The following KIAA1671 variants were observed in gnomAD, a reference collection of about 807,000 sequenced individuals.
KIAA1671 encodes KIAA1671, also known as uncharacterized protein KIAA1671.
Under a neutral mutation model 131.2 loss-of-function variants are expected in KIAA1671, and 52 were observed. The observed-to-expected ratio is 0.40, with a 90% CI of 0.32 to 0.50. KIAA1671 has a LOEUF of 0.50. Ranked by LOEUF, KIAA1671 falls within the 20% of genes least tolerant of loss-of-function variation. KIAA1671 has a pLI of 0.73. For missense variants in KIAA1671, 2,360 were observed against 2,364.2 expected, an observed-to-expected ratio of 1.00 and a Z score of 0.04; for synonymous variants, 1,003 against 961.6, an observed-to-expected ratio of 1.04 and a Z score of -0.80.
At chr22:24,964,745 T>C (rs2123803170) in intron 1 of KIAA1671, among the ~76,000 whole-genome samples, 1 of 152,248 alleles carries the variant, frequency 6.6e-6, no homozygotes, top group Admixed American at 6.5e-5. Context: ...TGTATTTGAT[T>C]CTTGTGACTC....
chr22:25,093,094 C>G lies in KIAA1671; in HGVS notation c.4530+43730C>G, dbSNP rs73159917. ...GGCAAGTGACTATGTTCATTGAGCA[C>G]TTACTGTGTGCTAGGTAATCTCTAG... On this transcript the variant is annotated intron_variant, in intron 6 of 12. Transcript: ENST00000358431. 9.7e-3 allele frequency among the ~76,000 whole-genome samples: 1,474 copies of G among 152,310 alleles called. 18 individuals are homozygous for G. Among genetic ancestry groups the G allele is most frequent in the Non-Finnish European group, 0.015 (997 of 68,032 alleles).
chr22:25,010,864 A>G (rs1004492649), intron 1 of KIAA1671: 1 of 152,216 alleles, frequency 6.6e-6, no homozygotes, highest in African/African-American at 2.4e-5. Flanking sequence ...GTTATTTTCC[A>G]TGTCACTATC....
At chr22:25,179,663 G>C (rs1025911751) in intron 9 of KIAA1671, 6 of 640,732 alleles carry the variant, frequency 9.4e-6, no homozygotes, top group African/African-American at 3.7e-5. Context: ...TCAGAAACTA[G>C]GTAAAACAGT....
In KIAA1671 at chr22:25,040,583, C is replaced by T. The variant is rs1602090455; in HGVS notation, c.3453C>T (p.Asn1151=). Residue 1151 remains asparagine, a synonymous_variant, in exon 5 of 13, where the codon AAC becomes AAT. Coordinates refer to ENST00000358431, the MANE Select transcript of KIAA1671 (RefSeq NM_001145206.2). ...AAAGCAATTGGAAGGAAAGTGCGAACAAGATGTCCCCCAGCGGCGGAGCTC... is the reference window on the plus strand; with the variant it reads ...AAAGCAATTGGAAGGAAAGTGCGAATAAGATGTCCCCCAGCGGCGGAGCTC... ...RPQSNWKESA[N]KMSPSGGAPQ... 6.4e-7 allele frequency: 1 copy of T among 1,551,644 alleles called. No homozygotes were observed. Among genetic ancestry groups the T allele is most frequent in the Non-Finnish European group, 8.7e-7 (1 of 1,147,026 alleles).
chr22:25,037,636 C>A (rs1306820604), intron 4 of KIAA1671, among the ~76,000 whole-genome samples: 1 of 151,960 alleles, frequency 6.6e-6, no homozygotes, highest in Non-Finnish European at 1.5e-5. Context: ...CAAATGGAAA[C>A]CTTGTGTCCT....
intron 9 of KIAA1671, chr22:25,179,375 C>T: frequency 1.9e-6 from 3 of 1,605,698 alleles, no homozygotes; most frequent in Non-Finnish European, 2.5e-6. Flanking sequence ...GCTCCTCGCG[C>T]AGCCGCTCGC....
At chr22:25,093,801 T>C (rs1601305778) in intron 6 of KIAA1671, among the ~76,000 whole-genome samples, 1 of 141,934 alleles carries the variant, frequency 7.0e-6, no homozygotes, top group South Asian at 2.2e-4. Flanking sequence ...TCTCTCTCTC[T>C]CTCTCTCTCT....
intron 1 of KIAA1671, among the ~76,000 whole-genome samples, chr22:24,981,375 G>A (rs73395636): frequency 2.6e-5 from 4 of 152,254 alleles, no homozygotes; most frequent in African/African-American, 9.6e-5. Context: ...CACTGACCCG[G>A]GGCACACCCT....
chr22:25,098,066 G>C (rs898341598), intron 6 of KIAA1671, among the ~76,000 whole-genome samples: 3 of 152,166 alleles, frequency 2.0e-5, no homozygotes, highest in African/African-American at 7.2e-5. Flanking sequence ...GGTCCCCTTG[G>C]CCAGGATTTG....
intron 5 of KIAA1671, among the ~76,000 whole-genome samples, chr22:25,048,379 C>T (rs1489007689): frequency 2.0e-5 from 3 of 152,222 alleles, no homozygotes; most frequent in East Asian, 1.9e-4. Context: ...AATGGCTCTG[C>T]GGCTGGCCTG....
intron 6 of KIAA1671, among the ~76,000 whole-genome samples, chr22:25,081,089 A>T (rs1194635647): frequency 6.6e-6 from 1 of 152,178 alleles, no homozygotes; most frequent in Non-Finnish European, 1.5e-5. Context: ...CGTAAATGCA[A>T]GGCAGAAGCT....
At chr22:25,107,973 A>G (rs895744792) in intron 6 of KIAA1671, among the ~76,000 whole-genome samples, 1 of 152,062 alleles carries the variant, frequency 6.6e-6, no homozygotes, top group Non-Finnish European at 1.5e-5. Context: ...ACGCCATTGC[A>G]CTCCAGCCTA....
intron 6 of KIAA1671, among the ~76,000 whole-genome samples, chr22:25,072,721 C>T (rs1392183531): frequency 2.6e-5 from 4 of 152,168 alleles, no homozygotes; most frequent in South Asian, 2.1e-4. Flanking sequence ...AGCGAGGCCC[C>T]GCTGCCTTCC....
chr22:25,021,559 C>T (rs1488839775), intron 1 of KIAA1671, among the ~76,000 whole-genome samples: 1 of 150,874 alleles, frequency 6.6e-6, no homozygotes, highest in African/African-American at 2.4e-5. Flanking sequence ...TGCTGTGTCC[C>T]TAGCGCCTGG....
At chr22:25,082,317 T>A (rs772814296) in intron 6 of KIAA1671, among the ~76,000 whole-genome samples, 3 of 152,014 alleles carry the variant, frequency 2.0e-5, no homozygotes, top group African/African-American at 4.8e-5. Context: ...CTGAGCTGGG[T>A]CTTAACACCT....
chr22:24,974,458 C>T (rs1922804104), intron 1 of KIAA1671, among the ~76,000 whole-genome samples: 1 of 151,988 alleles, frequency 6.6e-6, no homozygotes, highest in Non-Finnish European at 1.5e-5. Flanking sequence ...GTCATTAGCC[C>T]ATGGTCAGTC....
intron 1 of KIAA1671, among the ~76,000 whole-genome samples, chr22:25,007,612 C>T (rs1467293188): frequency 6.6e-6 from 1 of 152,082 alleles, no homozygotes. Context: ...AGGTGACAGA[C>T]CCTCTCCATA....
chr22:25,034,186 C>T (rs1451246057), intron 4 of KIAA1671, among the ~76,000 whole-genome samples: 5 of 151,830 alleles, frequency 3.3e-5, no homozygotes, highest in African/African-American at 1.2e-4. Context: ...GCTTGGATTA[C>T]AGGCACCCAC....
intron 1 of KIAA1671, among the ~76,000 whole-genome samples, chr22:25,017,919 T>C (rs1925420293): frequency 6.6e-6 from 1 of 151,606 alleles, no homozygotes; most frequent in Non-Finnish European, 1.5e-5. Flanking sequence ...ACAGTCCTGC[T>C]TTCCCCCACA....
Sources: allele counts gnomAD v4.1 joint callset (sites outside exome capture counted in the v4.1 genomes callset), GRCh38; gene constraint gnomAD v4.1.1; transcripts MANE v1.5; gene names NCBI Gene and HGNC (gene_info 2026-07-23, HGNC 2026-07-21).